Variants in DLEC1 observed in about 807,000 individuals in gnomAD.
DLEC1 encodes the protein deleted in lung and esophageal cancer protein 1.
A neutral mutation model predicts 198.1 loss-of-function variants in DLEC1; 146 were observed. The ratio of observed to expected loss-of-function variants is 0.74; its 90% CI spans 0.64 to 0.85. The LOEUF is 0.85. DLEC1 is among the 40% of genes least tolerant of loss of function. DLEC1 has a pLI of 0.00. For missense variants in DLEC1, 2,233 were observed against 2,220.0 expected (o/e 1.01, Z -0.12); for synonymous variants, 897 against 866.8 (o/e 1.03, Z -0.61).
chr3:38,070,557 A>G (rs1697259046), intron 6 of DLEC1, among the ~76,000 whole-genome samples: 1 of 152,218 alleles, frequency 6.6e-6, no homozygotes, highest in African/African-American at 2.4e-5. Context: ...AAAGCTTTTA[A>G]TCACCTGGGT....
At position 38,062,382 on chromosome 3, in the gene DLEC1, G is replaced by A; in HGVS notation, c.873+14G>A. On this transcript the variant is annotated intron_variant, in intron 4 of 36. Transcript: ENST00000308059. ...GAACCTCTCAAGGTCAGTTTGGAAG[G>A]CTGTGCAGAGCAGTGTTTGGGGGGA... 2 of 1,614,110 alleles carry A rather than the reference G, an allele frequency of 1.2e-6. No individual in the cohort carries two copies. The highest frequency in any genetic ancestry group is 1.7e-5 in the Admixed American group (1 of 60,022).
At chr3:38,113,323 T>C (rs1262257846) in intron 25 of DLEC1, among the ~76,000 whole-genome samples, 1 of 152,190 alleles carries the variant, frequency 6.6e-6, no homozygotes, top group Non-Finnish European at 1.5e-5. Context: ...GATACAGACA[T>C]TGGGCCACAT....
chr3:38,073,815 G>GTGTCGA (rs1559417914), intron 6 of DLEC1, among the ~76,000 whole-genome samples: 1 of 152,182 alleles, frequency 6.6e-6, no homozygotes, highest in Non-Finnish European at 1.5e-5. Flanking sequence ...GGTAGCCCCT[G>GTGTCGA]TGTCGATTAA....
chr3:38,120,462 C>G lies in DLEC1; in HGVS notation c.4719C>G (p.Phe1573Leu). 2 of 1,614,198 alleles carry G rather than the reference C, an allele frequency of 1.2e-6. No homozygotes were observed. Among genetic ancestry groups the G allele is most frequent in the Non-Finnish European group, 1.7e-6 (2 of 1,180,020 alleles). The change falls in exon 34 of 37, where the codon TTC becomes TTG. Residue 1573 changes from phenylalanine (F) to leucine (L), a missense_variant. Physicochemically the swap from Phe to Leu is conservative, Grantham distance 22. Coordinates refer to ENST00000308059, the MANE Select transcript of DLEC1 (RefSeq NM_007335.4). Reference protein sequence around the residue: ...AQENMLVNVSFSLSLELLSYQ... With the variant: ...AQENMLVNVSLSLSLELLSYQ... ...CATCTGCTCAGGTGAACGTGTCCTT[C>G]TCACTCTCCCTGGAGCTGCTCTCCT...
At position 38,110,194 on chromosome 3, in the gene DLEC1, C is replaced by T; in HGVS notation, c.3356C>T (p.Thr1119Ile). The T allele has an allele frequency of 6.2e-7, 1 of 1,614,222 alleles. No homozygotes were observed. The highest frequency in any genetic ancestry group is 1.3e-5 in the African/African-American group (1 of 75,058). The change falls in exon 23 of 37, where the codon ACC (threonine) becomes ATC (isoleucine). Residue 1119 changes from threonine to isoleucine, a missense_variant. Transcript: ENST00000308059. ...CGTGTGACTCGCCAGCTCATTCTCACCAATCGCTCCCCAATACGGACCCGT... is the reference window on the plus strand; with the variant it reads ...CGTGTGACTCGCCAGCTCATTCTCATCAATCGCTCCCCAATACGGACCCGT... ...RTRVTRQLILTNRSPIRTRFS... is the reference protein window; with the variant it reads ...RTRVTRQLILINRSPIRTRFS...
Position 38,059,920 on chromosome 3 carries a change from AC to A in DLEC1, c.673+70del, listed in dbSNP as rs1696592200. 3 of 1,287,006 alleles carry A rather than the reference AC, an allele frequency of 2.3e-6. No individual in the cohort carries two copies. The Admixed American group carries it at 6.4e-5, about 27-fold the overall frequency. The allele number at this position is 1,287,006 out of a possible 1,614,324, so 79.7% of individuals were successfully genotyped here. ...GAAGTTCAGTAGGGCCACGTTGGCCACCTCTGCTGCCATTTCCTTGCTCAGA... is the reference window on the plus strand; with the variant it reads ...GAAGTTCAGTAGGGCCACGTTGGCCACTCTGCTGCCATTTCCTTGCTCAGA... On this transcript the variant is annotated intron_variant, in intron 3 of 36. Transcript: ENST00000308059.
In DLEC1 at chr3:38,117,276, C is replaced by T. The variant is rs1700227398; in HGVS notation, c.4374C>T (p.Asp1458=). 5 of 1,614,148 alleles carry T rather than the reference C, an allele frequency of 3.1e-6. No individual in the cohort carries two copies. The highest frequency in any genetic ancestry group is 4.2e-6 in the Non-Finnish European group (5 of 1,179,998). ...TTGCGGTGGGACCCCTGAAACTGGA[C>T]CTGCATAGCTACGTGAGGCCTGCAC... is the stretch of plus-strand genomic sequence containing the variant. The part of the protein sequence containing the change: ...QDFAVGPLKL[D]LHSYVRPAQL... The change falls in exon 31 of 37, where the codon GAC becomes GAT. Residue 1458 remains aspartate (D), a synonymous_variant. Coordinates refer to ENST00000308059, the MANE Select transcript of DLEC1 (RefSeq NM_007335.4).
chr3:38,056,449 A>T (rs1696378140), intron 2 of DLEC1, among the ~76,000 whole-genome samples: 1 of 152,058 alleles, frequency 6.6e-6, no homozygotes, highest in African/African-American at 2.4e-5. Context: ...AGCTGGGATT[A>T]CAGGCATGTG....
rs149190717 is a variant in DLEC1 at position 38,059,822 on chromosome 3, G to A, written c.643G>A (p.Asp215Asn). 1,118 of 1,614,148 alleles carry A rather than the reference G, an allele frequency of 6.9e-4. 3 individuals carry two copies. The African/African-American group carries it at 7.0e-3, about 10-fold the overall frequency. ...HLISPEDYYT[D>N]TVPFHSAPKG... Reference sequence around the variant, plus strand: ...GATCTCCCCAGAAGATTACTACACCGATACAGTGCCGTTTCACTCTGCACC... The same window carrying A: ...GATCTCCCCAGAAGATTACTACACCAATACAGTGCCGTTTCACTCTGCACC... Residue 215 changes from aspartate to asparagine, a missense_variant, in exon 3 of 37, where the codon GAT becomes AAT. Coordinates refer to ENST00000308059, the MANE Select transcript of DLEC1 (RefSeq NM_007335.4).
Position 38,121,615 on chromosome 3 carries a change from TG to T in DLEC1, c.4867-11del. On this transcript the variant is annotated splice_polypyrimidine_tract_variant and intron_variant, in intron 34 of 36. Transcript: ENST00000308059. The stretch of plus-strand genomic sequence containing the variant: ...CCCACCCAGAATGGACAAGGTTGCC[TG>T]GTCTCCCACAGGTGGTGCCCCTGCG... 6.2e-7 allele frequency: 1 copy of T among 1,611,290 alleles called. No homozygotes were observed. Among genetic ancestry groups the T allele is most frequent in the Non-Finnish European group, 8.5e-7 (1 of 1,179,090 alleles).
At chr3:38,050,337 T>C (rs1302049414) in intron 2 of DLEC1, among the ~76,000 whole-genome samples, 1 of 152,178 alleles carries the variant, frequency 6.6e-6, no homozygotes, top group Non-Finnish European at 1.5e-5. Context: ...CTGGCTGAAG[T>C]TGTTAATGAT....
chr3:38,078,833 G>A (rs1697788398), intron 6 of DLEC1, among the ~76,000 whole-genome samples: 1 of 152,196 alleles, frequency 6.6e-6, no homozygotes, highest in East Asian at 1.9e-4. Context: ...GACACCATGG[G>A]GTGGATAGGC....
intron 2 of DLEC1, among the ~76,000 whole-genome samples, chr3:38,050,339 G>A (rs1701055658): frequency 6.6e-6 from 1 of 152,184 alleles, no homozygotes. Flanking sequence ...GGCTGAAGTT[G>A]TTAATGATGA....
chr3:38,039,368 C>G lies in DLEC1; in HGVS notation c.143C>G (p.Ser48Cys), dbSNP rs1700539231. Residue 48 changes from serine to cysteine, a missense_variant, in exon 1 of 37, where the codon TCC becomes TGC. Ser to Cys is a moderately radical substitution (Grantham distance 112, BLOSUM62 -1). Transcript: ENST00000308059. Reference protein sequence around the residue: ...QPTWKSSLYSSLAYSEAFHYS... With the variant: ...QPTWKSSLYSCLAYSEAFHYS... ...ACCTGGAAGTCCTCCTTGTATTCCTCCCTCGCCTACTCTGAGGCCTTCCAC... is the reference window on the plus strand; with the variant it reads ...ACCTGGAAGTCCTCCTTGTATTCCTGCCTCGCCTACTCTGAGGCCTTCCAC... 1 of 1,614,108 alleles carries G rather than the reference C, an allele frequency of 6.2e-7. No homozygotes were observed. Among genetic ancestry groups the G allele is most frequent in the Admixed American group, 1.7e-5 (1 of 60,012 alleles).
intron 10 of DLEC1, among the ~76,000 whole-genome samples, chr3:38,092,080 A>G (rs141515645): frequency 1.3e-5 from 2 of 152,362 alleles, no homozygotes; most frequent in Admixed American, 6.5e-5. Context: ...TGGGCTCAAA[A>G]GATACCATTT....
Position 38,116,988 on chromosome 3 carries a change from G to A in DLEC1, c.4193G>A (p.Gly1398Glu), listed in dbSNP as rs375039989. 2.5e-6 allele frequency: 4 copies of A among 1,613,876 alleles called. No individual in the cohort carries two copies. Among genetic ancestry groups the A allele is most frequent in the Non-Finnish European group, 3.4e-6 (4 of 1,179,948 alleles). Reference protein sequence around the residue: ...ISPKQVVVPAGGSSTIYISFT... With the variant: ...ISPKQVVVPAEGSSTIYISFT... ...TGTCTATGCCAGGTGGTCCCTGCTGGGGGCAGCAGTACCATCTACATCTCC... is the reference window on the plus strand; with the variant it reads ...TGTCTATGCCAGGTGGTCCCTGCTGAGGGCAGCAGTACCATCTACATCTCC... The change falls in exon 30 of 37, where the codon GGG (glycine) becomes GAG (glutamate). Residue 1398 changes from glycine to glutamate, a missense_variant. Coordinates refer to ENST00000308059, the MANE Select transcript of DLEC1 (RefSeq NM_007335.4).
At chr3:38,057,309 G>A (rs1443480290) in intron 2 of DLEC1, among the ~76,000 whole-genome samples, 2 of 152,214 alleles carry the variant, frequency 1.3e-5, no homozygotes, top group Non-Finnish European at 2.9e-5. Context: ...TGGCCAACAT[G>A]GTGAAACCCC....
Position 38,096,598 on chromosome 3 carries a change from C to A in DLEC1, c.2201C>A (p.Ser734Tyr). 2 of 1,612,200 alleles carry A rather than the reference C, an allele frequency of 1.2e-6. No individual in the cohort carries two copies. Among genetic ancestry groups the A allele is most frequent in the Non-Finnish European group, 1.7e-6 (2 of 1,179,924 alleles). The change falls in exon 15 of 37, where the codon TCC (serine) becomes TAC (tyrosine). Residue 734 changes from serine to tyrosine, a missense_variant. By Grantham distance (144) the Ser-to-Tyr change is moderately radical (BLOSUM62 -2). Coordinates refer to ENST00000308059, the MANE Select transcript of DLEC1 (RefSeq NM_007335.4). ...SSEAESLGHS[S>Y]YSVDDVIVLE... is the part of the protein sequence containing the mutation. ...GAAGCGGAGAGCCTGGGGCACTCCTCCTACTCTGTGGATGATGTGATTGTC... is the reference window on the plus strand; with the variant it reads ...GAAGCGGAGAGCCTGGGGCACTCCTACTACTCTGTGGATGATGTGATTGTC...
At chr3:38,120,703 T>C (rs2125753094) in intron 34 of DLEC1, 94 bp downstream of exon 34, 1 of 1,521,302 alleles carries the variant, frequency 6.6e-7, no homozygotes, top group South Asian at 1.2e-5. Context: ...AGCAGGGCCC[T>C]CAGAAATAAG....
Sources: gnomAD v4.1 joint callset for allele counts (sites outside exome capture counted in the v4.1 genomes callset) on GRCh38, gnomAD v4.1.1 for gene constraint, MANE v1.5 for transcripts, NCBI Gene and HGNC (gene_info 2026-07-23, HGNC 2026-07-21) for gene names.